The following CADM2 variants were observed in gnomAD, a reference collection of about 807,000 sequenced individuals.
CADM2 encodes the protein cell adhesion molecule 2.
In CADM2, 12 loss-of-function variants were observed where a neutral mutation model predicts 49.8. That is an observed-to-expected ratio of 0.24 (90% CI 0.15 to 0.39). The LOEUF (loss-of-function observed/expected upper bound fraction) is 0.39. CADM2 is among the 10% of genes least tolerant of loss of function. CADM2 has a pLI of 1.00. For missense variants in CADM2, 378 were observed against 492.3 expected, an observed-to-expected ratio of 0.77 and a Z score of 2.20; for synonymous variants, 214 against 175.4, an observed-to-expected ratio of 1.22 and a Z score of -1.74.
chr3:84,977,517 A>AT (rs1011361109), intron 1 of CADM2, among the ~76,000 whole-genome samples: 6 of 152,072 alleles, frequency 3.9e-5, no homozygotes, highest in Middle Eastern at 3.4e-3. Context: ...GAAAAGATAC[A>AT]TTTTTTTCTT....
At position 86,074,001 on chromosome 3, in the gene CADM2, G is replaced by C. The variant is rs1703416376; in HGVS notation, c.*7218G>C. ...ATGACTAAGGGTCAAAAAAAATGTT[G>C]CTGACTTAGGGAAATTTGCTTGAGA... On this transcript the variant is annotated 3_prime_UTR_variant, in exon 10 of 10. Transcript: ENST00000383699. 1 of 151,874 alleles carries C rather than the reference G, an allele frequency of 6.6e-6. No individual in the cohort carries two copies. Among genetic ancestry groups the C allele is most frequent in the African/African-American group, 2.4e-5 (1 of 41,392 alleles). 9.4% of individuals were successfully genotyped at this position (151,874 alleles called of 1,614,324 possible).
At chr3:85,455,508 G>T (rs2037948688) in intron 1 of CADM2, among the ~76,000 whole-genome samples, 1 of 152,134 alleles carries the variant, frequency 6.6e-6, no homozygotes, top group Admixed American at 6.6e-5. Flanking sequence ...TCAGTTTAAA[G>T]AACATAAACC....
chr3:85,424,652 C>T (rs765002594), intron 1 of CADM2, among the ~76,000 whole-genome samples: 1 of 152,112 alleles, frequency 6.6e-6, no homozygotes, highest in African/African-American at 2.4e-5. Context: ...TTGCTAATTA[C>T]AACAAAAATG....
intron 1 of CADM2, among the ~76,000 whole-genome samples, chr3:85,519,009 C>T (rs1371696330): frequency 6.6e-6 from 1 of 152,064 alleles, no homozygotes; most frequent in Admixed American, 6.6e-5. Context: ...TTTCAGAGTA[C>T]TTCAGGACTA....
At chr3:85,598,338 T>C (rs1430437628) in intron 1 of CADM2, among the ~76,000 whole-genome samples, 2 of 151,572 alleles carry the variant, frequency 1.3e-5, no homozygotes, top group African/African-American at 4.8e-5. Flanking sequence ...CCCTGAAATG[T>C]ATCTAAAAAT....
chr3:85,495,609 A>G (rs1559869224), intron 1 of CADM2, among the ~76,000 whole-genome samples: 1 of 152,074 alleles, frequency 6.6e-6, no homozygotes. Context: ...GACCAAATAC[A>G]TGATTATAGG....
chr3:85,902,185 G>A (rs556289741), intron 5 of CADM2, among the ~76,000 whole-genome samples: 1 of 151,964 alleles, frequency 6.6e-6, no homozygotes, highest in African/African-American at 2.4e-5. Context: ...TCTGCTTCAC[G>A]TACCTTAAGT....
chr3:85,477,507 C>A (rs146184261), intron 1 of CADM2, among the ~76,000 whole-genome samples: 100 of 151,960 alleles, frequency 6.6e-4, no homozygotes, highest in Admixed American at 9.2e-4. Context: ...AATAGATCAT[C>A]TTTTCCCTTA....
intron 1 of CADM2, among the ~76,000 whole-genome samples, chr3:85,439,539 G>C (rs2037097418): frequency 2.0e-5 from 3 of 151,882 alleles, no homozygotes; most frequent in Non-Finnish European, 4.4e-5. Context: ...CTATTTTTTT[G>C]TTTCATAAAT....
At chr3:85,808,805 G>A (rs978464252) in intron 3 of CADM2, among the ~76,000 whole-genome samples, 2 of 151,914 alleles carry the variant, frequency 1.3e-5, no homozygotes, top group Non-Finnish European at 2.9e-5. Context: ...GTGTTAATTA[G>A]CCAATTATTC....
intron 1 of CADM2, among the ~76,000 whole-genome samples, chr3:85,494,995 A>G (rs1217648803): frequency 6.6e-6 from 1 of 152,196 alleles, no homozygotes; most frequent in Non-Finnish European, 1.5e-5. Context: ...TGTGTCAATT[A>G]CCAGTCGATA....
intron 8 of CADM2, among the ~76,000 whole-genome samples, chr3:86,040,139 A>G (rs1372409693): frequency 6.6e-6 from 1 of 152,202 alleles, no homozygotes; most frequent in Non-Finnish European, 1.5e-5. Context: ...GGGAAAAAAC[A>G]GAGCAGAAAA....
At chr3:85,725,476 C>A (rs1004775101) in intron 1 of CADM2, among the ~76,000 whole-genome samples, 12 of 151,938 alleles carry the variant, frequency 7.9e-5, no homozygotes, top group Non-Finnish European at 1.6e-4. Context: ...CTATTTCCTC[C>A]TTAACATCAT....
At chr3:85,630,297 T>C (rs549558517) in intron 1 of CADM2, among the ~76,000 whole-genome samples, 172 of 152,096 alleles carry the variant, frequency 1.1e-3, no homozygotes, top group African/African-American at 3.8e-3. Flanking sequence ...TTCCGACTTA[T>C]ACCTGACAAT....
intron 1 of CADM2, among the ~76,000 whole-genome samples, chr3:85,464,476 T>C (rs1042137289): frequency 6.6e-6 from 1 of 152,152 alleles, no homozygotes; most frequent in Non-Finnish European, 1.5e-5. Flanking sequence ...TGATTTGTAA[T>C]ATAGAAGTAA....
chr3:85,347,179 GC>G (rs1401468181), intron 1 of CADM2, among the ~76,000 whole-genome samples: 1 of 118,456 alleles, frequency 8.4e-6, no homozygotes. Context: ...CTAAGATCGT[GC>G]CATTGCACTC....
chr3:85,014,593 TAGAGAACAC>T (rs1346421868), intron 1 of CADM2, among the ~76,000 whole-genome samples: 1 of 152,108 alleles, frequency 6.6e-6, no homozygotes, highest in African/African-American at 2.4e-5. Context: ...CATAGCAATT[TAGAGAACAC>T]AGTTTTTGAG....
intron 1 of CADM2, among the ~76,000 whole-genome samples, chr3:85,455,757 A>G (rs964814711): frequency 6.6e-6 from 1 of 152,140 alleles, no homozygotes; most frequent in African/African-American, 2.4e-5. Context: ...GTGTTGGACA[A>G]AAGCCAGCAG....
intron 2 of CADM2, among the ~76,000 whole-genome samples, chr3:85,767,382 A>C (rs913694625): frequency 6.6e-6 from 1 of 152,204 alleles, no homozygotes; most frequent in Non-Finnish European, 1.5e-5. Flanking sequence ...AAAATGTAAA[A>C]TTGTGTTTTC....
Sources: gnomAD v4.1 joint callset for allele counts (sites outside exome capture counted in the v4.1 genomes callset) on GRCh38, gnomAD v4.1.1 for gene constraint, MANE v1.5 for transcripts, NCBI Gene and HGNC (gene_info 2026-07-23, HGNC 2026-07-21) for gene names.